Variants in NAA20 observed in about 807,000 individuals in gnomAD.
The protein encoded by NAA20 is N-alpha-acetyltransferase 20.
In NAA20, 24 loss-of-function variants were observed where a neutral mutation model predicts 23.8. That is an observed-to-expected ratio of 1.01 (90% CI 0.73 to 1.42). NAA20 has a LOEUF of 1.42. Ranked by LOEUF, NAA20 falls within the 40% of genes most tolerant of loss-of-function variation. The probability of loss-of-function intolerance (pLI) is 0.00; values close to 1 mark genes in which losing one functional copy is unlikely to be tolerated. For missense variants in NAA20, 166 were observed against 223.1 expected (o/e 0.74, Z 1.63); for synonymous variants, 83 against 77.7 (o/e 1.07, Z -0.36).
At chr20:20,028,138 T>C (rs1568748516) in intron 4 of NAA20, among the ~76,000 whole-genome samples, 2 of 152,350 alleles carry the variant, frequency 1.3e-5, no homozygotes, top group Admixed American at 6.5e-5. Flanking sequence ...ATCTTTAAGA[T>C]TTTTTAAAGT....
rs2043364318 is a variant in NAA20 at position 20,033,543 on chromosome 20, T to C, written c.*356T>C. The C allele has an allele frequency of 5.7e-6, 1 of 176,764 alleles. No individual in the cohort carries two copies. Among genetic ancestry groups the C allele is most frequent in the Non-Finnish European group, 1.2e-5 (1 of 83,254 alleles). The allele number at this position is 176,764 out of a possible 1,614,324, so 10.9% of individuals were successfully genotyped here. A position where few individuals can be genotyped will look rare whatever the true frequency, so the allele number is the denominator to read the frequency against. On this transcript the variant is annotated 3_prime_UTR_variant, in exon 6 of 6. Coordinates refer to ENST00000334982, the MANE Select transcript of NAA20 (RefSeq NM_016100.5). Reference sequence around the variant, plus strand: ...ACTGCTGCATATATTTGTTTTTAAATTTTGTATTGAACTGTTAATTGAAGC... The same window carrying C: ...ACTGCTGCATATATTTGTTTTTAAACTTTGTATTGAACTGTTAATTGAAGC...
At chr20:20,029,460 T>C (rs1006306431) in intron 4 of NAA20, among the ~76,000 whole-genome samples, 1 of 151,636 alleles carries the variant, frequency 6.6e-6, no homozygotes, top group African/African-American at 2.4e-5. Context: ...CGACTAAAAA[T>C]ACAAAAATTA....
chr20:20,025,465 A>G (rs1171898763), intron 2 of NAA20, among the ~76,000 whole-genome samples: 1 of 152,218 alleles, frequency 6.6e-6, no homozygotes, highest in East Asian at 1.9e-4. Flanking sequence ...TGCTATCACC[A>G]TTCCACACTT....
chr20:20,025,800 A>C, intron 3 of NAA20, 33 bp downstream of exon 3: 1 of 1,376,564 alleles, frequency 7.3e-7, no homozygotes, highest in East Asian at 2.3e-5. Context: ...TTTGTGGAGT[A>C]GGTAAAGATT....
intron 3 of NAA20, 64 bp from the exon 4 acceptor site, chr20:20,026,720 A>G: frequency 3.2e-6 from 5 of 1,586,918 alleles, no homozygotes; most frequent in Non-Finnish European, 4.3e-6. Flanking sequence ...ACTGAACAGT[A>G]ATTCTATATT....
chr20:20,025,313 C>T (rs890434088), intron 2 of NAA20, among the ~76,000 whole-genome samples: 2 of 152,126 alleles, frequency 1.3e-5, no homozygotes, highest in Non-Finnish European at 2.9e-5. Context: ...ACAGAGGGAA[C>T]ATGATATTCA....
intron 1 of NAA20, chr20:20,017,981 G>A (rs756245775): frequency 6.2e-7 from 1 of 1,614,134 alleles, no homozygotes; most frequent in Admixed American, 1.7e-5. Context: ...TGGTTAAATT[G>A]TATCCAAATG....
In NAA20 at chr20:20,022,438, T is replaced by C; in HGVS notation, c.54-18T>C. 1 of 1,587,158 alleles carries C rather than the reference T, an allele frequency of 6.3e-7. No homozygotes were observed. The highest frequency in any genetic ancestry group is 1.9e-5 in the Admixed American group (1 of 53,662). On this transcript the variant is annotated intron_variant, in intron 1 of 5. Transcript: ENST00000334982. ...TGTAAACGCTGCTTACTAGAGACAT[T>C]TCTCTTGTTTCTTTCAGTAACTTGG...
chr20:20,026,662 G>A (rs755096152), intron 3 of NAA20, 122 bp from the exon 4 acceptor site: 4 of 1,156,648 alleles, frequency 3.5e-6, no homozygotes, highest in Non-Finnish European at 5.0e-6. Context: ...GATGACCTCA[G>A]GTGGTACTTA....
chr20:20,025,895 A>T (rs966362981), intron 3 of NAA20, 128 bp downstream of exon 3: 4 of 718,434 alleles, frequency 5.6e-6, no homozygotes, highest in Non-Finnish European at 9.7e-6. Flanking sequence ...TCAACAATTC[A>T]AGAACTTACT....
chr20:20,028,337 G>A (rs537675351), intron 4 of NAA20, among the ~76,000 whole-genome samples: 3 of 152,166 alleles, frequency 2.0e-5, no homozygotes, highest in African/African-American at 4.8e-5. Flanking sequence ...AGGGCCTGTC[G>A]GGGGTGGGGG....
Position 20,017,417 on chromosome 20 carries a change from T to G in NAA20, c.21T>G (p.Phe7Leu). 6.2e-7 allele frequency: 1 copy of G among 1,612,032 alleles called. No individual in the cohort carries two copies. Among genetic ancestry groups the G allele is most frequent in the Non-Finnish European group, 8.5e-7 (1 of 1,179,462 alleles). Residue 7 changes from phenylalanine to leucine, a missense_variant, in exon 1 of 6, where the codon TTT becomes TTG. Phe to Leu is a conservative substitution (Grantham distance 22). Coordinates refer to ENST00000334982, the MANE Select transcript of NAA20 (RefSeq NM_016100.5). MTTLRA[F>L]TCDDLFRFNN... ...GCGCGATGACCACGCTACGGGCCTT[T>G]ACCTGCGACGACCTGTTCCGCTTCA...
Position 20,017,389 on chromosome 20 carries a change from G to A in NAA20, c.-8G>A. The A allele has an allele frequency of 6.2e-7, 1 of 1,611,378 alleles. No homozygotes were observed. Among genetic ancestry groups the A allele is most frequent in the South Asian group, 1.1e-5 (1 of 90,922 alleles). ...TGGCGAACGGTCTTCGGAAGCGGCG[G>A]CGGCGCGATGACCACGCTACGGGCC... On this transcript the variant is annotated 5_prime_UTR_variant, in exon 1 of 6. Coordinates refer to ENST00000334982, the MANE Select transcript of NAA20 (RefSeq NM_016100.5).
intron 1 of NAA20, chr20:20,018,151 T>A: frequency 6.6e-7 from 1 of 1,507,032 alleles, no homozygotes; most frequent in Non-Finnish European, 9.2e-7. Flanking sequence ...CCCAGAGCCC[T>A]GGATGCAGTT....
chr20:20,026,245 C>G (rs528698745), intron 3 of NAA20, among the ~76,000 whole-genome samples: 2 of 151,360 alleles, frequency 1.3e-5, no homozygotes, highest in African/African-American at 4.9e-5. Context: ...GCAGAACTTG[C>G]AGTGGGCTGA....
chr20:20,028,443 A>G (rs1286224745), intron 4 of NAA20, among the ~76,000 whole-genome samples: 1 of 152,136 alleles, frequency 6.6e-6, no homozygotes, highest in Non-Finnish European at 1.5e-5. Context: ...CTATGTAACA[A>G]ACCTGCACGT....
rs1244583770 is a variant in NAA20, at chr20:20,022,442, CTT to C, written c.54-13_54-12del. 5 of 1,586,654 alleles carry C rather than the reference CTT, an allele frequency of 3.2e-6. No individual in the cohort carries two copies. Among genetic ancestry groups the C allele is most frequent in the South Asian group, 2.3e-5 (2 of 85,748 alleles). On this transcript the variant is annotated splice_polypyrimidine_tract_variant and intron_variant, in intron 1 of 5. Transcript: ENST00000334982. ...AACGCTGCTTACTAGAGACATTTCTCTTGTTTCTTTCAGTAACTTGGATCCAC... is the reference window on the plus strand; with the variant it reads ...AACGCTGCTTACTAGAGACATTTCTCGTTTCTTTCAGTAACTTGGATCCAC...
At chr20:20,029,080 C>G in intron 4 of NAA20, among the ~76,000 whole-genome samples, 1 of 152,068 alleles carries the variant, frequency 6.6e-6, no homozygotes, top group East Asian at 1.9e-4. Context: ...AGGCGCCCAC[C>G]ACCATGCACG....
intron 3 of NAA20, 21 bp from the exon 4 acceptor site, chr20:20,026,763 G>A (rs2043309233): frequency 6.2e-7 from 1 of 1,612,036 alleles, no homozygotes; most frequent in African/African-American, 1.3e-5. Flanking sequence ...TACTGAATGT[G>A]ATTTTTGTTG....
Sources: gnomAD v4.1 joint callset for allele counts (sites outside exome capture counted in the v4.1 genomes callset) on GRCh38, gnomAD v4.1.1 for gene constraint, MANE v1.5 for transcripts, NCBI Gene and HGNC (gene_info 2026-07-23, HGNC 2026-07-21) for gene names.